Variants in VWC2 observed in about 807,000 individuals in gnomAD.
VWC2 encodes brorin.
In VWC2, 14 loss-of-function variants were observed where a neutral mutation model predicts 29.8. The ratio of observed to expected loss-of-function variants is 0.47; its 90% CI spans 0.31 to 0.74. The LOEUF (loss-of-function observed/expected upper bound fraction) is 0.74, where lower values mean the gene tolerates loss of function less well. Ranked by LOEUF, VWC2 falls within the 30% of genes least tolerant of loss-of-function variation. The pLI is 0.05. For missense variants in VWC2, 457 were observed against 459.8 expected (o/e 0.99, Z 0.05); for synonymous variants, 213 against 199.0 (o/e 1.07, Z -0.59).
chr7:49,904,435 G>A (rs1275278849), intron 3 of VWC2, among the ~76,000 whole-genome samples: 1 of 152,128 alleles, frequency 6.6e-6, no homozygotes, highest in African/African-American at 2.4e-5. Flanking sequence ...AAAGTAGTAT[G>A]TTTTTAAAAA....
chr7:49,826,322 T>C (rs1384330767), intron 3 of VWC2, among the ~76,000 whole-genome samples: 3 of 152,156 alleles, frequency 2.0e-5, no homozygotes, highest in African/African-American at 7.2e-5. Flanking sequence ...TTTTCACATA[T>C]AAAATTTTGT....
intron 3 of VWC2, among the ~76,000 whole-genome samples, chr7:49,864,950 TC>T (rs1319854048): frequency 6.6e-6 from 1 of 152,204 alleles, no homozygotes; most frequent in African/African-American, 2.4e-5. Context: ...TTCTGACAGT[TC>T]CTGTTTGTTT....
At chr7:49,839,525 A>G (rs1789744326) in intron 3 of VWC2, among the ~76,000 whole-genome samples, 1 of 152,186 alleles carries the variant, frequency 6.6e-6, no homozygotes, top group Admixed American at 6.5e-5. Flanking sequence ...AGAGAAACCA[A>G]TATAATAATT....
chr7:49,877,817 CT>C (rs1412438632), intron 3 of VWC2, among the ~76,000 whole-genome samples: 1 of 151,810 alleles, frequency 6.6e-6, no homozygotes, highest in African/African-American at 2.4e-5. Flanking sequence ...AAGGAGTAGT[CT>C]CCAAGGCTAC....
intron 2 of VWC2, among the ~76,000 whole-genome samples, chr7:49,793,078 A>T (rs1411797346): frequency 6.6e-6 from 1 of 152,176 alleles, no homozygotes; most frequent in Non-Finnish European, 1.5e-5. Flanking sequence ...TTGCTTTCTT[A>T]TGGAAGAGCT....
rs1583845860 is a variant in VWC2, at chr7:49,921,736, A to C, written c.*9551A>C. On this transcript the variant is annotated 3_prime_UTR_variant, in exon 4 of 4. Transcript: ENST00000340652. ...AAATGAATAATTTAATTTAGTGCTC[A>C]TTTGAAAAATATTTTATCCTCATGT... 6.6e-6 allele frequency: 1 copy of C among 152,028 alleles called. No homozygotes were observed. The highest frequency in any genetic ancestry group is 2.4e-5 in the African/African-American group (1 of 41,250). 9.4% of individuals were successfully genotyped at this position (152,028 alleles called of 1,614,324 possible).
At chr7:49,809,943 A>T (rs1442758820) in intron 3 of VWC2, among the ~76,000 whole-genome samples, 1 of 152,028 alleles carries the variant, frequency 6.6e-6, no homozygotes, top group African/African-American at 2.4e-5. Flanking sequence ...ATACTCCTAA[A>T]ATCTAGGAGA....
At chr7:49,877,000 A>T (rs776790664) in intron 3 of VWC2, among the ~76,000 whole-genome samples, 7 of 152,020 alleles carry the variant, frequency 4.6e-5, no homozygotes, top group Admixed American at 2.0e-4. Context: ...ATTCCTTAGG[A>T]CAGTCTTGGG....
intron 3 of VWC2, among the ~76,000 whole-genome samples, chr7:49,888,076 C>G (rs1791974302): frequency 6.6e-6 from 1 of 152,182 alleles, no homozygotes; most frequent in African/African-American, 2.4e-5. Context: ...CATCTCTGTC[C>G]AACTCAGAGA....
chr7:49,789,285 G>C (rs1220123769), intron 2 of VWC2, among the ~76,000 whole-genome samples: 1 of 148,988 alleles, frequency 6.7e-6, no homozygotes, highest in Non-Finnish European at 1.5e-5. Flanking sequence ...GTGTGTGAGA[G>C]TGTGAGTGTG....
At chr7:49,829,458 C>T (rs913302549) in intron 3 of VWC2, among the ~76,000 whole-genome samples, 1 of 152,202 alleles carries the variant, frequency 6.6e-6, no homozygotes, top group African/African-American at 2.4e-5. Context: ...CATAGCACCC[C>T]CGGTTAAGAT....
rs535113048 is a variant in VWC2 at position 49,918,805 on chromosome 7, C to T, written c.*6620C>T. On this transcript the variant is annotated 3_prime_UTR_variant, in exon 4 of 4. Coordinates refer to ENST00000340652, the MANE Select transcript of VWC2 (RefSeq NM_198570.5). ...CAGTGATGGGCTGGGCGTGGTGGCT[C>T]ACGCCTATAATCCCAGCACTTTGGG... The T allele has an allele frequency of 3.8e-4, 58 of 152,354 alleles. No individual in the cohort carries two copies. Among genetic ancestry groups the T allele is most frequent in the African/African-American group, 1.3e-3 (52 of 41,582 alleles). 9.4% of individuals were successfully genotyped at this position (152,354 alleles called of 1,614,324 possible).
intron 3 of VWC2, among the ~76,000 whole-genome samples, chr7:49,876,172 T>C (rs764951725): frequency 1.5e-4 from 23 of 152,178 alleles, no homozygotes; most frequent in African/African-American, 4.6e-4. Context: ...GTATAAGAAC[T>C]TGGTAACCTT....
intron 2 of VWC2, among the ~76,000 whole-genome samples, chr7:49,800,286 A>G (rs977735148): frequency 6.6e-6 from 1 of 152,214 alleles, no homozygotes; most frequent in Non-Finnish European, 1.5e-5. Flanking sequence ...CTGCTGCCTA[A>G]GGACCTGGAG....
chr7:49,785,184 T>C (rs1481655772), intron 2 of VWC2, among the ~76,000 whole-genome samples: 1 of 150,208 alleles, frequency 6.7e-6, no homozygotes, highest in East Asian at 1.9e-4. Flanking sequence ...AGTTGTAGAC[T>C]AGATGCAGTT....
chr7:49,904,075 A>C (rs1583800949), intron 3 of VWC2, among the ~76,000 whole-genome samples: 1 of 152,216 alleles, frequency 6.6e-6, no homozygotes, highest in Admixed American at 6.5e-5. Flanking sequence ...CTTACTATAC[A>C]CATGGCTGGC....
intron 3 of VWC2, among the ~76,000 whole-genome samples, chr7:49,868,901 G>A (rs1260216980): frequency 6.6e-6 from 1 of 152,236 alleles, no homozygotes; most frequent in Non-Finnish European, 1.5e-5. Context: ...TTACGGGCAT[G>A]AGCCACTGCA....
chr7:49,813,432 C>G (rs1436881313), intron 3 of VWC2, among the ~76,000 whole-genome samples: 2 of 152,224 alleles, frequency 1.3e-5, no homozygotes, highest in African/African-American at 4.8e-5. Context: ...TTAACAAACA[C>G]TGTGTGCTTC....
intron 3 of VWC2, among the ~76,000 whole-genome samples, chr7:49,858,840 G>T (rs943244401): frequency 3.3e-5 from 5 of 152,080 alleles, no homozygotes; most frequent in Non-Finnish European, 7.4e-5. Context: ...CATACAGATG[G>T]AATCCCATTG....
Sources: allele counts gnomAD v4.1 joint callset (sites outside exome capture counted in the v4.1 genomes callset), GRCh38; gene constraint gnomAD v4.1.1; transcripts MANE v1.5; gene names NCBI Gene and HGNC (gene_info 2026-07-23, HGNC 2026-07-21).